Variants in KCNN2 observed in about 807,000 individuals in gnomAD.
KCNN2 encodes potassium calcium-activated channel subfamily N member 2.
In KCNN2, 24 loss-of-function variants were observed where a neutral mutation model predicts 55.5. The observed-to-expected ratio is 0.43, with a 90% CI of 0.31 to 0.61. KCNN2 has a LOEUF of 0.61. KCNN2 is among the 20% of genes least tolerant of loss of function. The probability of loss-of-function intolerance (pLI) is 0.08; values close to 1 mark genes in which losing one functional copy is unlikely to be tolerated. For synonymous variants in KCNN2, 431 were observed against 336.1 expected (o/e 1.28, Z -3.09); for missense variants, 754 against 853.6 (o/e 0.88, Z 1.45).
At chr5:114,147,867 G>A (rs1267327113) in intron 1 of KCNN2, among the ~76,000 whole-genome samples, 1 of 152,214 alleles carries the variant, frequency 6.6e-6, no homozygotes, top group East Asian at 1.9e-4. Context: ...CAGAAAAGGA[G>A]TGGCTTGTTG....
chr5:114,405,691 AG>A (rs1243334259), intron 3 of KCNN2, among the ~76,000 whole-genome samples: 6 of 147,980 alleles, frequency 4.1e-5, no homozygotes, highest in Non-Finnish European at 8.9e-5. Context: ...TAGTCTTTGT[AG>A]TTTTTTTTGT....
intron 1 of KCNN2, among the ~76,000 whole-genome samples, chr5:114,158,947 A>C (rs1752701773): frequency 6.6e-6 from 1 of 152,170 alleles, no homozygotes; most frequent in South Asian, 2.1e-4. Context: ...TGTCATCTGC[A>C]AACAGGGACA....
chr5:114,237,373 C>T (rs1366072079), intron 2 of KCNN2, among the ~76,000 whole-genome samples: 1 of 151,818 alleles, frequency 6.6e-6, no homozygotes, highest in Non-Finnish European at 1.5e-5. Context: ...CCTACCTAGG[C>T]AAGACATGTA....
At chr5:114,128,473 C>T (rs1456179637) in intron 1 of KCNN2, among the ~76,000 whole-genome samples, 1 of 152,264 alleles carries the variant, frequency 6.6e-6, no homozygotes, top group East Asian at 1.9e-4. Context: ...CCTAGTCTCT[C>T]GCATGACATG....
intron 1 of KCNN2, among the ~76,000 whole-genome samples, chr5:114,116,382 T>G (rs1340835628): frequency 6.6e-6 from 1 of 152,178 alleles, no homozygotes; most frequent in Non-Finnish European, 1.5e-5. Context: ...GGAATTAAAA[T>G]TGTTTGAAAA....
intron 1 of KCNN2, among the ~76,000 whole-genome samples, chr5:114,149,007 G>T (rs2112514966): frequency 6.6e-6 from 1 of 152,226 alleles, no homozygotes; most frequent in East Asian, 1.9e-4. Context: ...GTTGGCAGAG[G>T]GTGGTGCCAA....
intron 1 of KCNN2, among the ~76,000 whole-genome samples, chr5:114,173,936 G>C (rs1753089269): frequency 1.3e-5 from 2 of 151,018 alleles, no homozygotes; most frequent in East Asian, 1.9e-4. Flanking sequence ...ACTTTTTTTT[G>C]CACTCAACCT....
intron 1 of KCNN2, among the ~76,000 whole-genome samples, chr5:114,217,940 T>C (rs1363292193): frequency 1.3e-5 from 2 of 152,168 alleles, no homozygotes; most frequent in Non-Finnish European, 2.9e-5. Flanking sequence ...GCAAAAGATC[T>C]GAACATTACT....
At position 114,121,673 on chromosome 5, in the gene KCNN2, A is replaced by G. The variant is rs145671391; in HGVS notation, c.-271+65173A>G. On this transcript the variant is annotated intron_variant, in intron 1 of 10. Transcript: ENST00000512097. The stretch of plus-strand genomic sequence containing the variant: ...TGGCTGCACCTATTTCCTCATAAGC[A>G]TTTTTAGACTGTGGCTCTGCAGTGC... Among the ~76,000 whole-genome samples the G allele has an allele frequency of 1.8e-4, 28 of 152,254 alleles. No homozygotes were observed. In the East Asian group the frequency reaches 5.4e-3, roughly 29 times the overall value.
chr5:114,327,166 A>G (rs1051778116), intron 2 of KCNN2, among the ~76,000 whole-genome samples: 8 of 152,228 alleles, frequency 5.3e-5, no homozygotes, highest in African/African-American at 1.9e-4. Flanking sequence ...AGTGAGAAGT[A>G]GAGAAATGAT....
In KCNN2 at chr5:114,367,315, T is replaced by C. The variant is rs1013640288; in HGVS notation, c.1218+3314T>C. Among the ~76,000 whole-genome samples the C allele has an allele frequency of 2.0e-5, 3 of 152,202 alleles. No individual in the cohort carries two copies. In the South Asian group the frequency reaches 6.2e-4, roughly 31 times the overall value. On this transcript the variant is annotated intron_variant, in intron 2 of 7. Coordinates refer to ENST00000673685, the MANE Select transcript of KCNN2 (RefSeq NM_021614.4). ...CAACAATTTTGTTCATTTTACTAAT[T>C]ACTTTTATACCTCACTACCAAAAAT... is the stretch of plus-strand genomic sequence containing the variant.
intron 3 of KCNN2, among the ~76,000 whole-genome samples, chr5:114,446,731 G>C (rs1392319984): frequency 1.3e-5 from 2 of 152,160 alleles, no homozygotes; most frequent in African/African-American, 4.8e-5. Context: ...AAATTTCTGA[G>C]ATTACAGGCA....
chr5:114,284,600 C>G (rs1216929959), intron 2 of KCNN2, among the ~76,000 whole-genome samples: 1 of 152,138 alleles, frequency 6.6e-6, no homozygotes, highest in Non-Finnish European at 1.5e-5. Flanking sequence ...TCACTGCAAT[C>G]TTTGACTCCG....
intron 1 of KCNN2, among the ~76,000 whole-genome samples, chr5:114,192,917 T>C (rs190178820): frequency 1.4e-3 from 214 of 152,268 alleles, no homozygotes; most frequent in African/African-American, 4.8e-3. Flanking sequence ...AAAATCTCTC[T>C]TCACATCTCT....
chr5:114,145,452 C>A (rs571042152), intron 1 of KCNN2, among the ~76,000 whole-genome samples: 35 of 152,174 alleles, frequency 2.3e-4, no homozygotes, highest in African/African-American at 8.2e-4. Context: ...TTTTGATCTG[C>A]CTTAGAAGTT....
intron 3 of KCNN2, among the ~76,000 whole-genome samples, chr5:114,431,119 C>T (rs546469412): frequency 5.9e-5 from 9 of 151,824 alleles, no homozygotes; most frequent in Non-Finnish European, 1.2e-4. Context: ...AGAAACTTAC[C>T]CCCCCATCCC....
At chr5:114,202,392 A>T (rs1453876801) in intron 1 of KCNN2, among the ~76,000 whole-genome samples, 1 of 151,576 alleles carries the variant, frequency 6.6e-6, no homozygotes, top group Non-Finnish European at 1.5e-5. Context: ...AGTTCTATAA[A>T]ATTACCTTGT....
chr5:114,348,421 A>T (rs1757152958), intron 2 of KCNN2, among the ~76,000 whole-genome samples: 1 of 151,646 alleles, frequency 6.6e-6, no homozygotes, highest in African/African-American at 2.4e-5. Context: ...TTAAAGTATA[A>T]TAATAATAAT....
At chr5:114,183,549 C>G (rs1031323998) in intron 1 of KCNN2, among the ~76,000 whole-genome samples, 1 of 152,060 alleles carries the variant, frequency 6.6e-6, no homozygotes, top group Non-Finnish European at 1.5e-5. Flanking sequence ...AGATTCTCTG[C>G]TTCATCTTTT....
Sources: gnomAD v4.1 joint callset for allele counts (sites outside exome capture counted in the v4.1 genomes callset) on GRCh38, gnomAD v4.1.1 for gene constraint, MANE v1.5 for transcripts, NCBI Gene and HGNC (gene_info 2026-07-23, HGNC 2026-07-21) for gene names.